Variants in MGRN1 observed in about 807,000 individuals in gnomAD.
MGRN1 encodes the protein E3 ubiquitin-protein ligase MGRN1.
In MGRN1, 29 loss-of-function variants were observed where a neutral mutation model predicts 69.2. That is an observed-to-expected ratio of 0.42 (90% CI 0.31 to 0.57). The LOEUF (loss-of-function observed/expected upper bound fraction) is 0.57, where lower values mean the gene tolerates loss of function less well. Ranked by LOEUF, MGRN1 falls within the 20% of genes least tolerant of loss-of-function variation. The probability of loss-of-function intolerance (pLI) is 0.15; values close to 1 mark genes in which losing one functional copy is unlikely to be tolerated. For synonymous variants in MGRN1, 470 were observed against 344.2 expected (o/e 1.37, Z -4.04); for missense variants, 998 against 796.2 (o/e 1.25, Z -3.05).
At chr16:4,652,558 T>A (rs1027916282) in intron 3 of MGRN1, 120 bp from the exon 4 acceptor site, 1 of 1,307,216 alleles carries the variant, frequency 7.6e-7, no homozygotes, top group Non-Finnish European at 1.0e-6. Flanking sequence ...CTATGTCTAC[T>A]GGAGAAGCGG....
chr16:4,664,599 G>C (rs1227071583), intron 5 of MGRN1, 110 bp from the exon 6 acceptor site: 11 of 1,148,928 alleles, frequency 9.6e-6, no homozygotes, highest in Admixed American at 1.8e-5. Flanking sequence ...TCTGAGCTCT[G>C]CTGCTGCCTC....
At chr16:4,653,395 A>G (rs765513313) in intron 4 of MGRN1, among the ~76,000 whole-genome samples, 6 of 152,182 alleles carry the variant, frequency 3.9e-5, no homozygotes, top group Non-Finnish European at 8.8e-5. Context: ...TTCATCACGT[A>G]GGCAGGATTG....
intron 12 of MGRN1, 141 bp downstream of exon 12, chr16:4,680,238 C>A: frequency 1.2e-6 from 1 of 815,960 alleles, no homozygotes; most frequent in Non-Finnish European, 1.9e-6. Context: ...GTCCCGGCCT[C>A]CCTGCCCAGG....
rs562728119 is a variant in MGRN1 at position 4,664,435 on chromosome 16, A to G, written c.562-274A>G. ...GGGTGATGAAAAGTTCTGGAAATGG[A>G]TGGTGGCGGTTGCATGACATTATAG... On this transcript the variant is annotated intron_variant, in intron 5 of 16. Coordinates refer to ENST00000262370, the MANE Select transcript of MGRN1 (RefSeq NM_015246.4). 2.9e-5 allele frequency: 14 copies of G among 489,456 alleles called. No homozygotes were observed. In the East Asian group the frequency reaches 4.6e-4, roughly 16 times the overall value. The allele number at this position is 489,456 out of a possible 1,614,324, so 30.3% of individuals were successfully genotyped here. A position where few individuals can be genotyped will look rare whatever the true frequency, so the allele number is the denominator to read the frequency against.
At chr16:4,632,252 G>C (rs1292688933) in intron 1 of MGRN1, among the ~76,000 whole-genome samples, 3 of 151,500 alleles carry the variant, frequency 2.0e-5, no homozygotes, top group Non-Finnish European at 4.4e-5. Flanking sequence ...TTGACCTTTT[G>C]ACCCGCCTAC....
intron 16 of MGRN1, chr16:4,687,108 G>C (rs1027307226): frequency 5.5e-5 from 54 of 985,294 alleles, no homozygotes; most frequent in African/African-American, 1.2e-4. Flanking sequence ...TTTGTGCCAT[G>C]AGCCCACTGC....
chr16:4,665,703 C>T (rs1246312648), intron 7 of MGRN1, among the ~76,000 whole-genome samples: 11 of 145,040 alleles, frequency 7.6e-5, no homozygotes, highest in Non-Finnish European at 1.5e-4. Flanking sequence ...GGAGTCTCAC[C>T]CTGTCATCCA....
intron 8 of MGRN1, chr16:4,669,015 C>T (rs969113100): frequency 1.3e-5 from 2 of 152,134 alleles, no homozygotes; most frequent in African/African-American, 4.8e-5. Flanking sequence ...CATAGACACA[C>T]ACACATACAC....
intron 7 of MGRN1, among the ~76,000 whole-genome samples, chr16:4,666,813 C>G (rs1374158167): frequency 6.6e-6 from 1 of 152,178 alleles, no homozygotes; most frequent in East Asian, 1.9e-4. Flanking sequence ...TTGATGTTCA[C>G]GAGGGCAGCA....
At chr16:4,652,957 C>A in intron 4 of MGRN1, 133 bp downstream of exon 4, 1 of 1,204,166 alleles carries the variant, frequency 8.3e-7, no homozygotes. Context: ...GACTTTACCA[C>A]GATGTGAGGG....
At chr16:4,687,547 A>G in intron 16 of MGRN1, 2 of 965,478 alleles carry the variant, frequency 2.1e-6, no homozygotes, top group Non-Finnish European at 2.4e-6. Context: ...CACCCACTCC[A>G]GCCTGAGACC....
At chr16:4,672,796 A>G (rs2078968147) in intron 9 of MGRN1, among the ~76,000 whole-genome samples, 1 of 152,230 alleles carries the variant, frequency 6.6e-6, no homozygotes, top group South Asian at 2.1e-4. Context: ...GGTAGCTGCC[A>G]TTAATGAAAA....
At chr16:4,661,676 C>A (rs1157660392) in intron 5 of MGRN1, among the ~76,000 whole-genome samples, 1 of 152,264 alleles carries the variant, frequency 6.6e-6, no homozygotes, top group Non-Finnish European at 1.5e-5. Flanking sequence ...CACTTCTCAG[C>A]CTTCACAGCA....
chr16:4,626,711 T>C (rs757123266), intron 1 of MGRN1, among the ~76,000 whole-genome samples: 3 of 152,214 alleles, frequency 2.0e-5, no homozygotes, highest in African/African-American at 4.8e-5. Context: ...CAGAATAACA[T>C]ACATGTCATT....
In MGRN1 at chr16:4,650,435, C is replaced by G. The variant is rs762170205; in HGVS notation, c.159C>G (p.Leu53=). The G allele has an allele frequency of 4.2e-5, 67 of 1,613,998 alleles. No individual in the cohort carries two copies. In the East Asian group the frequency reaches 6.5e-4, roughly 16 times the overall value. ...ACACCCCCCACCCTGAAGGTTACCT[C>G]TTTGGAGAGAACATGGATCTGAACT... ...KFDTPHPEGY[L]FGENMDLNFL... Residue 53 remains leucine, a synonymous_variant, in exon 2 of 17, where the codon CTC becomes CTG. Transcript: ENST00000262370.
rs1291201543 is a variant in MGRN1, at chr16:4,652,662, C to T, written c.297-16C>T. On this transcript the variant is annotated splice_polypyrimidine_tract_variant and intron_variant, in intron 3 of 16. Transcript: ENST00000262370. ...GGCCGCTGACCCGCTGCCTTTCTCT[C>T]CACCGCCTGGGGTAGGTACAAAGAC... The T allele has an allele frequency of 6.3e-7, 1 of 1,597,064 alleles. No individual in the cohort carries two copies.
chr16:4,672,497 C>G (rs996017206), intron 9 of MGRN1: 2 of 456,418 alleles, frequency 4.4e-6, no homozygotes, highest in Non-Finnish European at 8.8e-6. Context: ...CCTGGCCGGG[C>G]CTCGCCTCAA....
In MGRN1 at chr16:4,689,002, C is replaced by T. The variant is rs1253411327; in HGVS notation, c.*94C>T. On this transcript the variant is annotated 3_prime_UTR_variant, in exon 17 of 17. Transcript: ENST00000262370. Reference sequence around the variant, plus strand: ...CCGTTGTGAGCCGGCCTCCTGTCTGCATGCCCCCTGTGGCCACCAGGCTCC... The same window carrying T: ...CCGTTGTGAGCCGGCCTCCTGTCTGTATGCCCCCTGTGGCCACCAGGCTCC... The T allele has an allele frequency of 4.2e-6, 6 of 1,434,614 alleles. No individual in the cohort carries two copies. The highest frequency in any genetic ancestry group is 1.4e-5 in the African/African-American group (1 of 70,066). 88.9% of individuals were successfully genotyped at this position (1,434,614 alleles called of 1,614,324 possible).
rs528796603 is a variant in MGRN1, at chr16:4,627,597, C to T, written c.88+2549C>T. On this transcript the variant is annotated intron_variant, in intron 1 of 16. Transcript: ENST00000262370. The stretch of plus-strand genomic sequence containing the variant: ...GGTCAGGAGATGGAGACCATCCTGG[C>T]TAACACGGGGAAACCCCGTCTCTAC... Among the ~76,000 whole-genome samples, 273 of 151,908 alleles carry T rather than the reference C, an allele frequency of 1.8e-3. 3 individuals carry two copies. The highest frequency in any genetic ancestry group is 7.5e-4 in the African/African-American group (31 of 41,334).
Sources: gnomAD v4.1 joint callset for allele counts (sites outside exome capture counted in the v4.1 genomes callset) on GRCh38, gnomAD v4.1.1 for gene constraint, MANE v1.5 for transcripts, NCBI Gene and HGNC (gene_info 2026-07-23, HGNC 2026-07-21) for gene names.